MMS22L: variants seen among roughly 807,000 people sequenced by gnomAD.
MMS22L encodes the protein MMS22 like, DNA repair protein, also known as protein MMS22-like.
In MMS22L, 74 loss-of-function variants were observed where a neutral mutation model predicts 159.1. The ratio of observed to expected loss-of-function variants is 0.47; its 90% CI spans 0.39 to 0.56. The LOEUF is 0.56. MMS22L is among the 20% of genes least tolerant of loss of function. The pLI is 0.00. For synonymous variants in MMS22L, 517 were observed against 506.9 expected (o/e 1.02, Z -0.27); for missense variants, 1,351 against 1,422.1 (o/e 0.95, Z 0.80).
intron 8 of MMS22L, chr6:97,265,962 T>G (rs1815065104): frequency 6.6e-6 from 1 of 152,146 alleles, no homozygotes; most frequent in Admixed American, 6.5e-5. Flanking sequence ...CCTTGTGATC[T>G]GCCTGCCTCG....
chr6:97,151,457 T>C, intron 23 of MMS22L: 1 of 306,398 alleles, frequency 3.3e-6, no homozygotes, highest in East Asian at 8.4e-5. Flanking sequence ...GGTCACACAA[T>C]GGTGAAACTG....
rs41289910 is a variant in MMS22L, at chr6:97,145,842, T to A, written c.*964A>T. The A allele has an allele frequency of 6.6e-6, 1 of 152,042 alleles. No individual in the cohort carries two copies. The highest frequency in any genetic ancestry group is 1.5e-5 in the Non-Finnish European group (1 of 67,968). The allele number at this position is 152,042 out of a possible 1,614,324, so 9.4% of individuals were successfully genotyped here. ...GCTCTTTCAACCAAATAATGCTCAA[T>A]AGGAAAAGGAGTCAAGGACAAGCTC... On this transcript the variant is annotated 3_prime_UTR_variant, in exon 25 of 25. Transcript: ENST00000683635.
At chr6:97,279,480 T>C (rs1444067600) in intron 3 of MMS22L, among the ~76,000 whole-genome samples, 2 of 143,192 alleles carry the variant, frequency 1.4e-5, no homozygotes, top group African/African-American at 5.4e-5. Flanking sequence ...CAAGACTTCG[T>C]CTCAAAAAAA....
At chr6:97,148,408 C>G (rs766951732) in intron 24 of MMS22L, among the ~76,000 whole-genome samples, 5 of 152,038 alleles carry the variant, frequency 3.3e-5, no homozygotes, top group African/African-American at 4.8e-5. Context: ...CAGAAGAAGG[C>G]TTCCTTATTG....
At chr6:97,231,392 A>C in intron 13 of MMS22L, 34 bp downstream of exon 13, 1 of 1,410,492 alleles carries the variant, frequency 7.1e-7, no homozygotes, top group South Asian at 1.2e-5. Flanking sequence ...CAAAGATATC[A>C]GTGCACACTC....
At chr6:97,236,952 G>GAA (rs772283057) in intron 11 of MMS22L, among the ~76,000 whole-genome samples, 1 of 109,228 alleles carries the variant, frequency 9.2e-6, no homozygotes. Context: ...CTCCGCCTCA[G>GAA]AAAAAAAAAA....
chr6:97,191,098 T>C (rs1277821516), intron 14 of MMS22L, among the ~76,000 whole-genome samples: 1 of 152,176 alleles, frequency 6.6e-6, no homozygotes, highest in African/African-American at 2.4e-5. Context: ...CTTCTTGCTT[T>C]GATTTCATGT....
chr6:97,240,908 T>C (rs562656154), intron 11 of MMS22L, among the ~76,000 whole-genome samples: 1 of 152,168 alleles, frequency 6.6e-6, no homozygotes, highest in Admixed American at 6.5e-5. Flanking sequence ...ATTACAGGCG[T>C]GAGCCACCAC....
chr6:97,257,141 T>C (rs1205102832), intron 9 of MMS22L, among the ~76,000 whole-genome samples: 1 of 152,202 alleles, frequency 6.6e-6, no homozygotes, highest in African/African-American at 2.4e-5. Context: ...AGTCATTTTT[T>C]CTTCAAATAT....
At chr6:97,262,130 A>G (rs1814540898) in intron 9 of MMS22L, among the ~76,000 whole-genome samples, 1 of 152,296 alleles carries the variant, frequency 6.6e-6, no homozygotes, top group South Asian at 2.1e-4. Flanking sequence ...GTAGGCTACC[A>G]ACTTGATAAA....
chr6:97,188,299 A>C (rs1203660564), intron 14 of MMS22L, among the ~76,000 whole-genome samples: 1 of 152,244 alleles, frequency 6.6e-6, no homozygotes. Context: ...AACTTATGGT[A>C]CTTGAGTAGG....
At chr6:97,150,064 T>A in intron 23 of MMS22L, 44 bp from the exon 24 acceptor site, 1 of 1,548,174 alleles carries the variant, frequency 6.5e-7, no homozygotes, top group South Asian at 1.2e-5. Flanking sequence ...CTGGGGCAAT[T>A]CCTTGTGTTG....
rs1800900334 is a variant in MMS22L, at chr6:97,145,687, C to T, written c.*1119G>A. 1 of 152,122 alleles carries T rather than the reference C, an allele frequency of 6.6e-6. No homozygotes were observed. Among genetic ancestry groups the T allele is most frequent in the Admixed American group, 6.6e-5 (1 of 15,260 alleles). The allele number at this position is 152,122 out of a possible 1,614,324, so 9.4% of individuals were successfully genotyped here. On this transcript the variant is annotated 3_prime_UTR_variant, in exon 25 of 25. Coordinates refer to ENST00000683635, the MANE Select transcript of MMS22L (RefSeq NM_001350599.2). ...CCATTGATTCTCACAACAACACTGT[C>T]AAATAGTAAAGGGATTCTTCTTTTC...
chr6:97,274,434 C>T (rs1031510176), intron 4 of MMS22L, among the ~76,000 whole-genome samples: 2 of 152,078 alleles, frequency 1.3e-5, no homozygotes, highest in Admixed American at 6.6e-5. Context: ...CCAGGCAAGA[C>T]GGAGTAAAAT....
intron 14 of MMS22L, among the ~76,000 whole-genome samples, chr6:97,224,189 C>G (rs1334323917): frequency 6.6e-6 from 1 of 152,114 alleles, no homozygotes; most frequent in Non-Finnish European, 1.5e-5. Flanking sequence ...AAATTGAATC[C>G]AGGTGCAGTT....
At chr6:97,260,471 T>C (rs944223436) in intron 9 of MMS22L, 1 of 152,214 alleles carries the variant, frequency 6.6e-6, no homozygotes, top group Non-Finnish European at 1.5e-5. Flanking sequence ...AATACGGATA[T>C]AATTTTCCTC....
intron 14 of MMS22L, among the ~76,000 whole-genome samples, chr6:97,187,484 T>C (rs1042205036): frequency 1.3e-5 from 2 of 152,172 alleles, no homozygotes; most frequent in African/African-American, 4.8e-5. Context: ...TATTTAAAAC[T>C]AAATGTACAA....
At chr6:97,184,611 T>A (rs992769229) in intron 15 of MMS22L, among the ~76,000 whole-genome samples, 1 of 152,144 alleles carries the variant, frequency 6.6e-6, no homozygotes, top group African/African-American at 2.4e-5. Context: ...TCTATTTGGT[T>A]ACCGTATCTT....
At chr6:97,202,163 G>A (rs1450231126) in intron 14 of MMS22L, among the ~76,000 whole-genome samples, 1 of 152,114 alleles carries the variant, frequency 6.6e-6, no homozygotes. Flanking sequence ...AAACAACTGA[G>A]TAATCACTCA....
Sources: gnomAD v4.1 joint callset for allele counts (sites outside exome capture counted in the v4.1 genomes callset) on GRCh38, gnomAD v4.1.1 for gene constraint, MANE v1.5 for transcripts, NCBI Gene and HGNC (gene_info 2026-07-23, HGNC 2026-07-21) for gene names.